Variants in PATL1 observed in about 807,000 individuals in gnomAD.
The protein encoded by PATL1 is PAT1 homolog 1, processing body mRNA decay factor.
Under a neutral mutation model 100.6 loss-of-function variants are expected in PATL1, and 32 were observed. That is an observed-to-expected ratio of 0.32 (90% confidence interval 0.24 to 0.43). PATL1 has a LOEUF of 0.43. Among genes scored for constraint, PATL1 ranks in the 20% least tolerant of loss-of-function variants. The pLI, the probability that PATL1 is intolerant of heterozygous loss-of-function variation, is 1.00. For missense variants in PATL1, 747 were observed against 949.9 expected (o/e 0.79, Z 2.81); for synonymous variants, 332 against 330.0 (o/e 1.01, Z -0.07).
At chr11:59,652,350 T>C in intron 11 of PATL1, 114 bp downstream of exon 11, 1 of 1,400,070 alleles carries the variant, frequency 7.1e-7, no homozygotes, top group South Asian at 1.6e-5. Flanking sequence ...ACTTTTAAAA[T>C]CACTTTGAAA....
chr11:59,638,680 C>A (rs1311451092), intron 18 of PATL1, among the ~76,000 whole-genome samples: 1 of 150,402 alleles, frequency 6.6e-6, no homozygotes, highest in African/African-American at 2.5e-5. Context: ...ATCATAACTT[C>A]TTTTTATTTA....
Position 59,649,620 on chromosome 11 carries a change from G to A in PATL1, c.1585-10C>T, listed in dbSNP as rs1199601506. 6.2e-7 allele frequency: 1 copy of A among 1,610,378 alleles called. No individual in the cohort carries two copies. ...GGAGTAAGCTGTAGGTCTAAGAAGG[G>A]AGACAAAAGCAGGCCACAGCATGCT... On this transcript the variant is annotated splice_polypyrimidine_tract_variant and intron_variant, in intron 13 of 18. Coordinates refer to ENST00000300146, the MANE Select transcript of PATL1 (RefSeq NM_152716.3).
chr11:59,664,118 C>T (rs1453681953), intron 2 of PATL1, among the ~76,000 whole-genome samples: 1 of 152,056 alleles, frequency 6.6e-6, no homozygotes, highest in Non-Finnish European at 1.5e-5. Context: ...ACCCTTTGGC[C>T]CTAAGGTACA....
chr11:59,654,538 C>T (rs775942227), intron 8 of PATL1, among the ~76,000 whole-genome samples: 1 of 143,484 alleles, frequency 7.0e-6, no homozygotes. Context: ...CTTTTAGAAG[C>T]AAAAGATAGT....
At position 59,639,360 on chromosome 11, in the gene PATL1, G is replaced by T. The variant is rs1861242038; in HGVS notation, c.2073C>A (p.Ile691=). The stretch of plus-strand genomic sequence containing the variant: ...GTAGGTCTTCACCACGGCTCAGGAG[G>T]ATGAGGAGCAGTGACAGGCCAAACT... ...QNKFGLSLLL[I]LLSRGEDLQS... The change falls in exon 17 of 19, where the codon ATC becomes ATA. Residue 691 remains isoleucine, a synonymous_variant. Coordinates refer to ENST00000300146, the MANE Select transcript of PATL1 (RefSeq NM_152716.3). The T allele has an allele frequency of 1.9e-6, 3 of 1,550,260 alleles. No individual in the cohort carries two copies. The East Asian group carries it at 7.3e-5, about 38-fold the overall frequency.
intron 9 of PATL1, 104 bp from the exon 10 acceptor site, chr11:59,653,122 C>A: frequency 1.0e-6 from 1 of 973,116 alleles, no homozygotes. Flanking sequence ...TTTAAAGATT[C>A]CCGTTTGCTT....
chr11:59,658,103 A>G (rs1282590060), intron 4 of PATL1, among the ~76,000 whole-genome samples: 1 of 151,958 alleles, frequency 6.6e-6, no homozygotes, highest in Non-Finnish European at 1.5e-5. Context: ...GTTCAAGGTT[A>G]CAGAGAGCTA....
intron 16 of PATL1, among the ~76,000 whole-genome samples, chr11:59,641,693 C>T (rs1426360742): frequency 1.3e-5 from 2 of 151,902 alleles, no homozygotes; most frequent in African/African-American, 2.4e-5. Context: ...GCAGAGGTTG[C>T]AGTGAGCCGA....
rs1474784063 is a variant in PATL1 at position 59,649,512 on chromosome 11, T to G, written c.1683A>C (p.Lys561Asn). 3.1e-6 allele frequency: 5 copies of G among 1,613,796 alleles called. No individual in the cohort carries two copies. In the Admixed American group the frequency reaches 5.0e-5, roughly 16 times the overall value. The change falls in exon 14 of 19, where the codon AAA becomes AAC. Residue 561 changes from lysine (K) to asparagine (N), a missense_variant. By Grantham distance (94) the Lys-to-Asn change is moderately conservative (BLOSUM62 0). Around this residue, in one of 4 missense-constraint regions of PATL1, gnomAD observed 434 missense variants for 596.1 expected, o/e 0.73. Transcript: ENST00000300146. Reference protein sequence around the residue: ...RPALMDDRKHKICSMYDNLRG... With the variant: ...RPALMDDRKHNICSMYDNLRG... The stretch of plus-strand genomic sequence containing the variant: ...TTAAGTTGTCATACATGCTACAAAT[T>G]TTGTGCTTTCTGTCATCCATTAGGG...
chr11:59,655,668 T>G lies in PATL1; in HGVS notation c.886A>C (p.Met296Leu). ...CGCCCTTGTAGCAACTTGGGATTCA[T>G]GGCAGCAAGTGGACTACCAACAAAT... is the stretch of plus-strand genomic sequence containing the variant. Reference protein sequence around the residue: ...PGFVGSPLAAMNPKLLQGRVG... With the variant: ...PGFVGSPLAALNPKLLQGRVG... The change falls in exon 8 of 19, where the codon ATG becomes CTG. Residue 296 changes from methionine (M) to leucine (L), a missense_variant. Coordinates refer to ENST00000300146, the MANE Select transcript of PATL1 (RefSeq NM_152716.3). 1 of 1,604,914 alleles carries G rather than the reference T, an allele frequency of 6.2e-7. No homozygotes were observed. Among genetic ancestry groups the G allele is most frequent in the South Asian group, 1.1e-5 (1 of 89,146 alleles).
At chr11:59,638,504 T>C (rs1449805834) in intron 18 of PATL1, 93 bp from the exon 19 acceptor site, 1 of 1,180,612 alleles carries the variant, frequency 8.5e-7, no homozygotes, top group Non-Finnish European at 1.2e-6. Flanking sequence ...GTAAGACTTC[T>C]CATAACAAAA....
chr11:59,658,095 T>A (rs1210473868), intron 4 of PATL1, among the ~76,000 whole-genome samples: 1 of 151,402 alleles, frequency 6.6e-6, no homozygotes, highest in Non-Finnish European at 1.5e-5. Context: ...GCCCGGAAGT[T>A]CAAGGTTACA....
chr11:59,658,921 C>A lies in PATL1; in HGVS notation c.371G>T (p.Ser124Ile). ...CAGAACTTCAGATCCATCCCAGATA[C>A]TGGAATTCAGACTTCCTGGTTGGGG... ...LQPQPGSLNSSIWDGSEVLRR... is the reference protein window; with the variant it reads ...LQPQPGSLNSIIWDGSEVLRR... Residue 124 changes from serine (S) to isoleucine (I), a missense_variant, in exon 4 of 19, where the codon AGT becomes ATT. This residue lies in a region of PATL1 where 183 missense variants were observed against 221.2 expected (regional missense o/e 0.83). Transcript: ENST00000300146. 6 of 1,550,220 alleles carry A rather than the reference C, an allele frequency of 3.9e-6. No homozygotes were observed. Among genetic ancestry groups the A allele is most frequent in the South Asian group, 1.2e-5 (1 of 83,668 alleles).
chr11:59,666,811 C>T, intron 2 of PATL1, 42 bp downstream of exon 2: 1 of 1,532,460 alleles, frequency 6.5e-7, no homozygotes, highest in Non-Finnish European at 8.8e-7. Context: ...TTGAAAAGAG[C>T]AGGAGGCTAA....
At position 59,657,610 on chromosome 11, in the gene PATL1, T is replaced by C. The variant is rs558116138; in HGVS notation, c.541A>G (p.Ile181Val). Reference sequence around the variant, plus strand: ...GCTCTAACAGGAGGACTGCCAATGATAGGTGAAGTTGACCGCCTTGGTAAT... The same window carrying C: ...GCTCTAACAGGAGGACTGCCAATGACAGGTGAAGTTGACCGCCTTGGTAAT... ...RALPRRSTSP[I>V]IGSPPVRAVP... is the part of the protein sequence containing the mutation. The change falls in exon 5 of 19, where the codon ATC (isoleucine) becomes GTC (valine). Residue 181 changes from isoleucine (I) to valine (V), a missense_variant. Around this residue, in one of 4 missense-constraint regions of PATL1, gnomAD observed 183 missense variants for 221.2 expected, o/e 0.83. Coordinates refer to ENST00000300146, the MANE Select transcript of PATL1 (RefSeq NM_152716.3). The C allele has an allele frequency of 1.2e-6, 2 of 1,612,918 alleles. No individual in the cohort carries two copies. Among genetic ancestry groups the C allele is most frequent in the Non-Finnish European group, 1.7e-6 (2 of 1,179,812 alleles).
At chr11:59,660,647 G>C (rs1167619666) in intron 2 of PATL1, among the ~76,000 whole-genome samples, 1 of 152,186 alleles carries the variant, frequency 6.6e-6, no homozygotes, top group Non-Finnish European at 1.5e-5. Flanking sequence ...GGAATGAGCA[G>C]GGTGGGGAGA....
At chr11:59,641,529 G>T (rs1417513556) in intron 16 of PATL1, among the ~76,000 whole-genome samples, 1 of 152,110 alleles carries the variant, frequency 6.6e-6, no homozygotes, top group Admixed American at 6.5e-5. Flanking sequence ...GAGGCAGGCT[G>T]ATAGCTTGAG....
intron 15 of PATL1, among the ~76,000 whole-genome samples, chr11:59,644,627 G>A (rs543479494): frequency 2.1e-4 from 32 of 152,140 alleles, no homozygotes; most frequent in Non-Finnish European, 3.7e-4. Context: ...GTGTCACTTA[G>A]CAGGTTCTGC....
At position 59,642,983 on chromosome 11, in the gene PATL1, G is replaced by A; in HGVS notation, c.1946C>T (p.Ser649Leu). 2 of 1,613,994 alleles carry A rather than the reference G, an allele frequency of 1.2e-6. No homozygotes were observed. The change falls in exon 16 of 19, where the codon TCA becomes TTA. Residue 649 changes from serine (S) to leucine (L), a missense_variant. Coordinates refer to ENST00000300146, the MANE Select transcript of PATL1 (RefSeq NM_152716.3). Reference sequence around the variant, plus strand: ...TCGCAAAAGGCTGGTGATACTCACTGATGGAAGATGATAGAGAAGGAGAGA... The same window carrying A: ...TCGCAAAAGGCTGGTGATACTCACTAATGGAAGATGATAGAGAAGGAGAGA... Reference protein sequence around the residue: ...PFSLLLYHLPSVSITSLLRQL... With the variant: ...PFSLLLYHLPLVSITSLLRQL...
Sources: gnomAD v4.1 joint callset for allele counts (sites outside exome capture counted in the v4.1 genomes callset) on GRCh38, gnomAD v4.1.1 for gene constraint, gnomAD v4.1.1 regional missense constraint, MANE v1.5 for transcripts, NCBI Gene and HGNC (gene_info 2026-07-23, HGNC 2026-07-21) for gene names.